TRIM55: variants seen among roughly 807,000 people sequenced by gnomAD.
TRIM55 encodes the protein tripartite motif-containing protein 55.
TRIM55 carries 50 observed loss-of-function variants against 60.9 expected under a neutral mutation model. The observed-to-expected ratio is 0.82, with a 90% CI of 0.65 to 1.04. The LOEUF is 1.04. TRIM55 is among the 50% of genes least tolerant of loss of function. TRIM55 has a pLI of 0.00. For missense variants in TRIM55, 681 were observed against 666.9 expected (o/e 1.02, Z -0.23); for synonymous variants, 237 against 238.1 (o/e 1.00, Z 0.04).
intron 2 of TRIM55, among the ~76,000 whole-genome samples, chr8:66,132,675 T>A (rs371784760): frequency 1.3e-4 from 20 of 152,310 alleles, no homozygotes; most frequent in South Asian, 8.3e-4. Flanking sequence ...TCTCACCTCA[T>A]AAACATGTAT....
At chr8:66,135,433 T>C (rs373697954) in intron 3 of TRIM55, among the ~76,000 whole-genome samples, 37 of 152,348 alleles carry the variant, frequency 2.4e-4, no homozygotes, top group Middle Eastern at 6.8e-3. Flanking sequence ...CCTGTTTTTG[T>C]GCCCTTTGGA....
chr8:66,114,186 C>G, the TRIM55 span, among the ~76,000 whole-genome samples: 19 of 151,364 alleles, frequency 1.3e-4, no homozygotes, highest in African/African-American at 4.6e-4. Context: ...CGTGCCCAGC[C>G]GTGGGGGATT....
chr8:66,165,265 T>C (rs1451676938), intron 9 of TRIM55, among the ~76,000 whole-genome samples: 1 of 152,208 alleles, frequency 6.6e-6, no homozygotes, highest in East Asian at 1.9e-4. Flanking sequence ...AAAAGCATTT[T>C]ATGCAAAAGA....
At chr8:66,157,756 A>T (rs1810825383) in intron 9 of TRIM55, among the ~76,000 whole-genome samples, 1 of 152,198 alleles carries the variant, frequency 6.6e-6, no homozygotes, top group South Asian at 2.1e-4. Context: ...CCATGTACAC[A>T]GTGAAACATG....
rs1227581991 is a variant in TRIM55 at position 66,154,083 on chromosome 8, GA to G, written c.1274del (p.Glu425GlyfsTer45). The G allele has an allele frequency of 6.2e-7, 1 of 1,613,878 alleles. No individual in the cohort carries two copies. Among genetic ancestry groups the G allele is most frequent in the Non-Finnish European group, 8.5e-7 (1 of 1,179,978 alleles). ...VVPTGSEQTT[E>X]SETPVPAAAE... ...ACCCACTGGCTCTGAGCAGACCACA[GA>G]GTCTGAAACTCCAGTCCCTGCAGCA... On this transcript the variant is annotated frameshift_variant, in exon 9 of 10. Transcript: ENST00000315962. LOFTEE classifies it high-confidence loss of function.
chr8:66,129,351 T>C (rs894118062), intron 2 of TRIM55, among the ~76,000 whole-genome samples: 2 of 152,160 alleles, frequency 1.3e-5, no homozygotes, highest in Admixed American at 6.5e-5. Flanking sequence ...GATAGCAATA[T>C]TGAGACCATC....
chr8:66,160,356 GGTGTGTGTGTGT>G (rs35422649), intron 9 of TRIM55, among the ~76,000 whole-genome samples: 2 of 145,968 alleles, frequency 1.4e-5, no homozygotes, highest in Non-Finnish European at 3.0e-5. Context: ...AGTATTCCAT[GGTGTGTGTGTGT>G]GTGTGTGTGT....
chr8:66,134,943 T>A (rs369912799), intron 2 of TRIM55, 47 bp from the exon 3 acceptor site: 136 of 1,598,112 alleles, frequency 8.5e-5, no homozygotes, highest in Non-Finnish European at 1.1e-4. Context: ...TTGATGAGAT[T>A]GCCCCAGTGA....
At chr8:66,124,394 C>T (rs183462570), upstream of TRIM55, among the ~76,000 whole-genome samples, 399 of 152,282 alleles carry the variant, frequency 2.6e-3, 5 homozygotes, top group African/African-American at 9.2e-3. Flanking sequence ...AATGCTTGAG[C>T]GCGTGCCTGC....
chr8:66,156,179 C>T (rs1056865831), intron 9 of TRIM55, among the ~76,000 whole-genome samples: 7 of 152,210 alleles, frequency 4.6e-5, no homozygotes, highest in Non-Finnish European at 1.0e-4. Flanking sequence ...AGTGACTCCT[C>T]GTGGGATGAT....
intron 4 of TRIM55, among the ~76,000 whole-genome samples, chr8:66,139,834 T>C (rs1487702440): frequency 6.6e-6 from 1 of 152,192 alleles, no homozygotes; most frequent in Non-Finnish European, 1.5e-5. Context: ...CAAATATACG[T>C]TCTTATTTAT....
At chr8:66,117,409 G>A in the TRIM55 span, among the ~76,000 whole-genome samples, 1 of 152,216 alleles carries the variant, frequency 6.6e-6, no homozygotes, top group Non-Finnish European at 1.5e-5. Context: ...ATGTTCTGGG[G>A]TTAAGTAAAA....
chr8:66,113,990 T>C, the TRIM55 span, among the ~76,000 whole-genome samples: 33 of 151,272 alleles, frequency 2.2e-4, no homozygotes, highest in Admixed American at 1.1e-3. Flanking sequence ...GCCCGCTCCC[T>C]TCGATAGCTC....
At chr8:66,118,019 C>A in the TRIM55 span, among the ~76,000 whole-genome samples, 128 of 149,836 alleles carry the variant, frequency 8.5e-4, 3 homozygotes, top group Non-Finnish European at 3.0e-5. Context: ...TACAAAAAAA[C>A]TTACCCGGGT....
At chr8:66,138,825 T>C (rs184755992) in intron 4 of TRIM55, among the ~76,000 whole-genome samples, 61 of 152,332 alleles carry the variant, frequency 4.0e-4, no homozygotes, top group Admixed American at 1.2e-3. Context: ...AGAAGCAAAA[T>C]GCTTAGCACA....
chr8:66,158,202 C>T (rs948078376), intron 9 of TRIM55, among the ~76,000 whole-genome samples: 1 of 135,054 alleles, frequency 7.4e-6, no homozygotes. Context: ...CACACACACA[C>T]TGCAGCCAGA....
upstream of TRIM55, among the ~76,000 whole-genome samples, chr8:66,125,996 G>A (rs2128971389): frequency 6.6e-6 from 1 of 152,252 alleles, no homozygotes; most frequent in South Asian, 2.1e-4. Context: ...ATATGTATTG[G>A]TTAAACTGTT....
the TRIM55 span, among the ~76,000 whole-genome samples, chr8:66,119,634 C>T: frequency 1.3e-5 from 2 of 152,192 alleles, no homozygotes; most frequent in Non-Finnish European, 2.9e-5. Context: ...CTCTTCTGAC[C>T]ATTCTGGGGC....
intron 2 of TRIM55, among the ~76,000 whole-genome samples, chr8:66,131,106 A>C (rs1340752716): frequency 6.6e-6 from 1 of 152,192 alleles, no homozygotes; most frequent in Non-Finnish European, 1.5e-5. Context: ...AAGTAAAACT[A>C]CTATGTGCTG....
Sources: allele counts gnomAD v4.1 joint callset (sites outside exome capture counted in the v4.1 genomes callset), GRCh38; gene constraint gnomAD v4.1.1; transcripts MANE v1.5; gene names NCBI Gene and HGNC (gene_info 2026-07-23, HGNC 2026-07-21).